Variants in KLHL1 observed in about 807,000 individuals in gnomAD.
KLHL1 encodes kelch like family member 1.
KLHL1 carries 47 observed loss-of-function variants against 77.7 expected under a neutral mutation model. The ratio of observed to expected loss-of-function variants is 0.60; its 90% CI spans 0.48 to 0.77. The LOEUF is 0.77. Ranked by LOEUF, KLHL1 falls within the 30% of genes least tolerant of loss-of-function variation. The pLI, the probability that KLHL1 is intolerant of heterozygous loss-of-function variation, is 0.00. For synonymous variants in KLHL1, 360 were observed against 325.2 expected (o/e 1.11, Z -1.15); for missense variants, 925 against 910.8 (o/e 1.02, Z -0.20).
chr13:69,735,006 C>T (rs1188095421), intron 8 of KLHL1, among the ~76,000 whole-genome samples: 1 of 151,944 alleles, frequency 6.6e-6, no homozygotes, highest in East Asian at 1.9e-4. Context: ...GATGCAAAGT[C>T]ATAGCTGGAA....
chr13:69,837,664 GTGTGTGTATA>G (rs1196209413), intron 6 of KLHL1, among the ~76,000 whole-genome samples: 95 of 126,722 alleles, frequency 7.5e-4, no homozygotes, highest in African/African-American at 3.2e-3. Context: ...ATATGTGTGT[GTGTGTGTATA>G]TATATATATA....
intron 6 of KLHL1, among the ~76,000 whole-genome samples, chr13:69,833,758 TA>T (rs1239392771): frequency 1.3e-5 from 2 of 150,706 alleles, no homozygotes; most frequent in East Asian, 3.9e-4. Context: ...TATATATATA[TA>T]TATATATACA....
intron 1 of KLHL1, among the ~76,000 whole-genome samples, chr13:70,013,536 T>C (rs368965266): frequency 2.0e-5 from 3 of 152,206 alleles, no homozygotes; most frequent in African/African-American, 7.2e-5. Flanking sequence ...CCTCATGAAG[T>C]TGAAGCATTG....
chr13:69,979,211 T>C (rs971470653), intron 1 of KLHL1, among the ~76,000 whole-genome samples: 1 of 152,000 alleles, frequency 6.6e-6, no homozygotes, highest in Non-Finnish European at 1.5e-5. Context: ...TAGATTTTTT[T>C]CCTAAAAGTT....
At chr13:69,792,048 C>G (rs879288880) in intron 7 of KLHL1, among the ~76,000 whole-genome samples, 2 of 152,082 alleles carry the variant, frequency 1.3e-5, no homozygotes, top group Non-Finnish European at 2.9e-5. Flanking sequence ...ATAGGCACAG[C>G]AAATCACCAT....
chr13:69,825,583 A>C (rs912618983), intron 6 of KLHL1, among the ~76,000 whole-genome samples: 1 of 152,146 alleles, frequency 6.6e-6, no homozygotes, highest in African/African-American at 2.4e-5. Context: ...TGATAAATTA[A>C]TTTTATAGTA....
At chr13:69,966,192 T>C (rs1052400667) in intron 2 of KLHL1, among the ~76,000 whole-genome samples, 18 of 152,146 alleles carry the variant, frequency 1.2e-4, no homozygotes, top group African/African-American at 3.9e-4. Flanking sequence ...AGGATTTTCA[T>C]AGTTAGAGAG....
At chr13:69,842,188 C>G (rs1206148480) in intron 5 of KLHL1, among the ~76,000 whole-genome samples, 1 of 151,374 alleles carries the variant, frequency 6.6e-6, no homozygotes, top group Non-Finnish European at 1.5e-5. Flanking sequence ...AATAAAAAGA[C>G]AAATGGGACT....
chr13:69,906,498 T>C (rs1566387055), intron 4 of KLHL1, among the ~76,000 whole-genome samples: 1 of 151,992 alleles, frequency 6.6e-6, no homozygotes, highest in Non-Finnish European at 1.5e-5. Flanking sequence ...TTCTTTAGTG[T>C]TGATATATTG....
chr13:69,777,277 A>G (rs1051544674), intron 7 of KLHL1, among the ~76,000 whole-genome samples: 1 of 152,102 alleles, frequency 6.6e-6, no homozygotes, highest in East Asian at 1.9e-4. Context: ...ATTCTCAGGT[A>G]TTTCTTCATA....
chr13:70,023,261 CAT>C (rs1486637149), intron 1 of KLHL1, among the ~76,000 whole-genome samples: 1 of 151,780 alleles, frequency 6.6e-6, no homozygotes, highest in Admixed American at 6.6e-5. Context: ...ATTTTTGTTG[CAT>C]ATGTTTTATT....
chr13:69,870,646 T>A (rs907629296), intron 5 of KLHL1, among the ~76,000 whole-genome samples: 1 of 151,744 alleles, frequency 6.6e-6, no homozygotes, highest in Admixed American at 6.6e-5. Context: ...TATATATATA[T>A]TATTTATTTC....
At chr13:69,848,500 G>A (rs952594170) in intron 5 of KLHL1, among the ~76,000 whole-genome samples, 2 of 151,456 alleles carry the variant, frequency 1.3e-5, no homozygotes, top group Non-Finnish European at 3.0e-5. Flanking sequence ...AGAGACTGTA[G>A]TATTTCCCAA....
intron 1 of KLHL1, 55 bp downstream of exon 1, chr13:70,107,148 G>A: frequency 1.3e-6 from 2 of 1,532,902 alleles, no homozygotes; most frequent in South Asian, 1.3e-5. Context: ...AGCACACGCG[G>A]TGAAATGAGT....
At chr13:69,810,818 C>T (rs562686339) in intron 6 of KLHL1, among the ~76,000 whole-genome samples, 2 of 152,006 alleles carry the variant, frequency 1.3e-5, no homozygotes, top group African/African-American at 4.8e-5. Context: ...CATATGAATA[C>T]AAAGGCTCCT....
At position 69,740,491 on chromosome 13, in the gene KLHL1, T is replaced by C; in HGVS notation, c.1705A>G (p.Thr569Ala). 1 of 1,612,972 alleles carries C rather than the reference T, an allele frequency of 6.2e-7. No individual in the cohort carries two copies. Among genetic ancestry groups the C allele is most frequent in the Non-Finnish European group, 8.5e-7 (1 of 1,179,136 alleles). The change falls in exon 8 of 11, where the codon ACA becomes GCA. Residue 569 changes from threonine to alanine, a missense_variant. Thr to Ala is a moderately conservative substitution (Grantham distance 58). Coordinates refer to ENST00000377844, the MANE Select transcript of KLHL1 (RefSeq NM_020866.3). ...CTCTGTGGATCCCACCTTTCCACTG[T>C]ATTCAGATAGCTCCAGCCATCATGG... Reference protein sequence around the residue: ...GGHDGWSYLNTVERWDPQSQQ... With the variant: ...GGHDGWSYLNAVERWDPQSQQ...
intron 7 of KLHL1, among the ~76,000 whole-genome samples, chr13:69,761,369 A>G (rs568747424): frequency 1.3e-5 from 2 of 152,290 alleles, no homozygotes; most frequent in South Asian, 4.1e-4. Context: ...TCTATTTATT[A>G]ATACAAAAAT....
chr13:70,006,412 GT>G (rs1885405184), intron 1 of KLHL1, among the ~76,000 whole-genome samples: 1 of 150,678 alleles, frequency 6.6e-6, no homozygotes, highest in Non-Finnish European at 1.5e-5. Context: ...GGGGATATTG[GT>G]CTGTAATTTT....
chr13:69,816,102 T>A (rs1046646527), intron 6 of KLHL1, among the ~76,000 whole-genome samples: 3 of 151,966 alleles, frequency 2.0e-5, no homozygotes, highest in African/African-American at 7.2e-5. Flanking sequence ...GCTTTCCTAA[T>A]AATTAAATAA....
Sources: gnomAD v4.1 joint callset for allele counts (sites outside exome capture counted in the v4.1 genomes callset) on GRCh38, gnomAD v4.1.1 for gene constraint, MANE v1.5 for transcripts, NCBI Gene and HGNC (gene_info 2026-07-23, HGNC 2026-07-21) for gene names.